Variants in SLC23A2 observed in about 807,000 individuals in gnomAD.
SLC23A2 encodes solute carrier family 23 member 2.
Under a neutral mutation model 73.3 loss-of-function variants are expected in SLC23A2, and 36 were observed. The observed-to-expected ratio is 0.49, with a 90% confidence interval of 0.38 to 0.65. The LOEUF (loss-of-function observed/expected upper bound fraction) is 0.65, where lower values mean the gene tolerates loss of function less well. SLC23A2 is among the 30% of genes least tolerant of loss of function. The pLI is 0.00. For synonymous variants in SLC23A2, 343 were observed against 327.3 expected (o/e 1.05, Z -0.52); for missense variants, 507 against 841.6 (o/e 0.60, Z 4.92).
Position 4,854,141 on chromosome 20 carries a change from C to T in SLC23A2, c.*2831G>A, listed in dbSNP as rs1239982838. The T allele has an allele frequency of 1.3e-5, 2 of 152,146 alleles. No individual in the cohort carries two copies. The highest frequency in any genetic ancestry group is 2.9e-5 in the Non-Finnish European group (2 of 68,034). The allele number at this position is 152,146 out of a possible 1,614,324, so 9.4% of individuals were successfully genotyped here. A position where few individuals can be genotyped will look rare whatever the true frequency, so the allele number is the denominator to read the frequency against. ...ACCGGCCTGCAAGGACATTCACATC[C>T]AAAATATTTTACAACACTCTACAGG... On this transcript the variant is annotated 3_prime_UTR_variant, in exon 17 of 17. Transcript: ENST00000338244.
chr20:4,932,566 G>C lies in SLC23A2; in HGVS notation c.-4C>G. On this transcript the variant is annotated 5_prime_UTR_variant, in exon 3 of 17. Coordinates refer to ENST00000338244, the MANE Select transcript of SLC23A2 (RefSeq NM_005116.6). ...TATTCTTACCAATACCCATCATTAAGAGAAACGAGTAGTTTACACAGCCGT... is the reference window on the plus strand; with the variant it reads ...TATTCTTACCAATACCCATCATTAACAGAAACGAGTAGTTTACACAGCCGT... The C allele has an allele frequency of 1.3e-6, 2 of 1,491,930 alleles. No individual in the cohort carries two copies. The highest frequency in any genetic ancestry group is 1.1e-5 in the South Asian group (1 of 88,578). 92.4% of individuals were successfully genotyped at this position (1,491,930 alleles called of 1,614,324 possible). A position where few individuals can be genotyped will look rare whatever the true frequency, so the allele number is the denominator to read the frequency against.
At chr20:4,934,119 A>G (rs371842317) in intron 2 of SLC23A2, among the ~76,000 whole-genome samples, 7 of 152,322 alleles carry the variant, frequency 4.6e-5, no homozygotes, top group Admixed American at 1.3e-4. Context: ...ACACACATCA[A>G]ATTCTTCCGG....
Position 4,900,608 on chromosome 20 carries a change from C to T in SLC23A2, c.325-896G>A, listed in dbSNP as rs114223079. Among the ~76,000 whole-genome samples the T allele has an allele frequency of 6.1e-3, 925 of 152,250 alleles. 12 individuals carry two copies. The highest frequency in any genetic ancestry group is 0.022 in the African/African-American group (894 of 41,546). On this transcript the variant is annotated intron_variant, in intron 5 of 16. Coordinates refer to ENST00000338244, the MANE Select transcript of SLC23A2 (RefSeq NM_005116.6). ...AAGTTACATACGCATGGAGTGTTTT[C>T]TGTCTTTTTCTGTGAGCTGGCATTG... is the stretch of plus-strand genomic sequence containing the variant.
chr20:4,871,436 G>A (rs1393818343), intron 11 of SLC23A2, among the ~76,000 whole-genome samples: 1 of 152,094 alleles, frequency 6.6e-6, no homozygotes, highest in Non-Finnish European at 1.5e-5. Flanking sequence ...GTTTGAGGGT[G>A]TTCTGGTGAA....
At chr20:4,900,063 T>C (rs941117844) in intron 5 of SLC23A2, among the ~76,000 whole-genome samples, 9 of 151,944 alleles carry the variant, frequency 5.9e-5, no homozygotes, top group African/African-American at 2.2e-4. Flanking sequence ...TAGCGATGGG[T>C]TTTCACCGTG....
At chr20:4,991,240 G>C (rs6053018) in intron 1 of SLC23A2, among the ~76,000 whole-genome samples, 52,627 of 151,828 alleles carry the variant, frequency 0.35, 9,847 homozygotes, top group Admixed American at 0.41. Flanking sequence ...TCCCTAGTCA[G>C]TGGGACCACA....
chr20:4,941,849 T>TATATATAATGG (rs1195253051), intron 2 of SLC23A2, among the ~76,000 whole-genome samples: 4 of 152,022 alleles, frequency 2.6e-5, no homozygotes, highest in Non-Finnish European at 5.9e-5. Context: ...TTAAAAGCAA[T>TATATATAATGG]ATATATAATG....
chr20:4,898,755 CA>C (rs1931640400), intron 6 of SLC23A2, among the ~76,000 whole-genome samples: 1 of 152,076 alleles, frequency 6.6e-6, no homozygotes, highest in Non-Finnish European at 1.5e-5. Context: ...CAGAAGTGAA[CA>C]AGCCAAAGCC....
intron 6 of SLC23A2, among the ~76,000 whole-genome samples, chr20:4,891,977 C>A (rs1600105214): frequency 6.6e-6 from 1 of 152,102 alleles, no homozygotes; most frequent in East Asian, 1.9e-4. Context: ...TGGTCTTGAA[C>A]TTCGGGGCTC....
At chr20:4,896,538 C>A (rs904898760) in intron 6 of SLC23A2, among the ~76,000 whole-genome samples, 1 of 152,210 alleles carries the variant, frequency 6.6e-6, no homozygotes, top group African/African-American at 2.4e-5. Flanking sequence ...ATTCTTTAAT[C>A]AGGACACATG....
In SLC23A2 at chr20:4,886,029, C is replaced by T. The variant is rs1931082482; in HGVS notation, c.483-120G>A. 6.5e-6 allele frequency: 4 copies of T among 619,552 alleles called. No individual in the cohort carries two copies. In the East Asian group the frequency reaches 1.2e-4, roughly 18 times the overall value. The allele number at this position is 619,552 out of a possible 1,614,324, so 38.4% of individuals were successfully genotyped here. ...CAGCACATGAGTAAATGCAGGCACA[C>T]CTAGAAGAAAAAGCCCCAGTTTGCA... is the stretch of plus-strand genomic sequence containing the variant. On this transcript the variant is annotated intron_variant, in intron 6 of 16. Transcript: ENST00000338244.
chr20:4,861,928 T>C lies in SLC23A2; in HGVS notation c.1624+20A>G, dbSNP rs766866986. 4 of 1,612,886 alleles carry C rather than the reference T, an allele frequency of 2.5e-6. No homozygotes were observed. The highest frequency in any genetic ancestry group is 2.5e-6 in the Non-Finnish European group (3 of 1,179,436). On this transcript the variant is annotated intron_variant, in intron 15 of 16. Transcript: ENST00000338244. ...TGTGGTTCCAGCTCCCACTCCAAGA[T>C]GTAAAGCCCATTTCCTCACCTGTGA...
At chr20:4,905,774 T>C (rs1568618018) in intron 4 of SLC23A2, among the ~76,000 whole-genome samples, 1 of 152,304 alleles carries the variant, frequency 6.6e-6, no homozygotes, top group East Asian at 1.9e-4. Flanking sequence ...ATACAGTAAA[T>C]ATTTCAAGCT....
In SLC23A2 at chr20:4,883,589, G is replaced by T; in HGVS notation, c.824+53C>A. 2.4e-6 allele frequency: 3 copies of T among 1,275,688 alleles called. No individual in the cohort carries two copies. The highest frequency in any genetic ancestry group is 3.3e-6 in the Non-Finnish European group (3 of 912,432). 79.0% of individuals were successfully genotyped at this position (1,275,688 alleles called of 1,614,324 possible). On this transcript the variant is annotated intron_variant, in intron 9 of 16. Coordinates refer to ENST00000338244, the MANE Select transcript of SLC23A2 (RefSeq NM_005116.6). The surrounding 1 kb of genome is among the most constrained non-coding windows in gnomAD (Gnocchi z 4.5). The stretch of plus-strand genomic sequence containing the variant: ...ATTATCTCCTGAAGTCTGTGTGAAT[G>T]TTCCTAAAGGCTGCCCCGCAGTGGT...
At chr20:4,977,351 C>T (rs921681802) in intron 1 of SLC23A2, among the ~76,000 whole-genome samples, 5 of 152,038 alleles carry the variant, frequency 3.3e-5, no homozygotes, top group Admixed American at 2.6e-4. Flanking sequence ...TCTACTTTAA[C>T]CATTATTAAT....
chr20:4,941,927 C>G (rs1568634655), intron 2 of SLC23A2, among the ~76,000 whole-genome samples: 1 of 152,080 alleles, frequency 6.6e-6, no homozygotes, highest in Admixed American at 6.6e-5. Context: ...TATACACACA[C>G]CAAAATGTTA....
chr20:4,875,820 G>A (rs1930634366), intron 9 of SLC23A2, among the ~76,000 whole-genome samples: 1 of 152,234 alleles, frequency 6.6e-6, no homozygotes, highest in South Asian at 2.1e-4. Flanking sequence ...AGAGCTGGCA[G>A]GAAGAGTAGG....
chr20:4,893,219 AC>A (rs1931396765), intron 6 of SLC23A2, among the ~76,000 whole-genome samples: 1 of 151,934 alleles, frequency 6.6e-6, no homozygotes, highest in Admixed American at 6.6e-5. Flanking sequence ...GCACGCCACC[AC>A]ACCCAGCTAA....
intron 13 of SLC23A2, 117 bp downstream of exon 13, chr20:4,867,653 A>C: frequency 2.3e-6 from 1 of 427,452 alleles, no homozygotes; most frequent in Non-Finnish European, 4.2e-6. Context: ...AAAAAAGGAG[A>C]GAAGTAATTT....
Sources: allele counts gnomAD v4.1 joint callset (sites outside exome capture counted in the v4.1 genomes callset), GRCh38; gene constraint gnomAD v4.1.1; non-coding constraint Gnocchi (gnomAD v3.1); transcripts MANE v1.5; gene names NCBI Gene and HGNC (gene_info 2026-07-23, HGNC 2026-07-21).